The following CACNA2D3 variants were observed in gnomAD, a reference collection of about 807,000 sequenced individuals.
CACNA2D3 encodes calcium voltage-gated channel auxiliary subunit alpha2delta 3.
A neutral mutation model predicts 160.6 loss-of-function variants in CACNA2D3; 60 were observed. That is an observed-to-expected ratio of 0.37 (90% CI 0.30 to 0.46). The LOEUF (loss-of-function observed/expected upper bound fraction) is 0.46. CACNA2D3 is among the 20% of genes least tolerant of loss of function. The pLI, the probability that CACNA2D3 is intolerant of heterozygous loss-of-function variation, is 1.00. For synonymous variants in CACNA2D3, 558 were observed against 492.9 expected (o/e 1.13, Z -1.75); for missense variants, 1,205 against 1,365.0 (o/e 0.88, Z 1.85).
chr3:55,004,758 T>G lies in CACNA2D3; in HGVS notation c.2691-5T>G. Reference sequence around the variant, plus strand: ...GTGAAGCTCCCTTCCATTTCTTTCCTGTAGAATTACCCTTTATGACTACCA... The same window carrying G: ...GTGAAGCTCCCTTCCATTTCTTTCCGGTAGAATTACCCTTTATGACTACCA... On this transcript the variant is annotated splice_polypyrimidine_tract_variant and splice_region_variant and intron_variant, in intron 31 of 37. Coordinates refer to ENST00000474759, the MANE Select transcript of CACNA2D3 (RefSeq NM_018398.3). 1.2e-6 allele frequency: 2 copies of G among 1,609,824 alleles called. No individual in the cohort carries two copies. The highest frequency in any genetic ancestry group is 1.7e-6 in the Non-Finnish European group (2 of 1,176,510).
intron 2 of CACNA2D3, among the ~76,000 whole-genome samples, chr3:54,210,136 T>A (rs1701346668): frequency 6.6e-6 from 1 of 151,996 alleles, no homozygotes; most frequent in Non-Finnish European, 1.5e-5. Flanking sequence ...ATAAGTGATA[T>A]GGAAAAAAAG....
chr3:54,303,169 C>G (rs1703518662), intron 2 of CACNA2D3, among the ~76,000 whole-genome samples: 1 of 152,148 alleles, frequency 6.6e-6, no homozygotes, highest in African/African-American at 2.4e-5. Flanking sequence ...GACATCTCCC[C>G]AGTAGATTCT....
At chr3:54,369,347 G>A (rs1698883196) in intron 3 of CACNA2D3, among the ~76,000 whole-genome samples, 1 of 152,106 alleles carries the variant, frequency 6.6e-6, no homozygotes, top group African/African-American at 2.4e-5. Flanking sequence ...ACAGTGACAG[G>A]GAGCCGTGGT....
chr3:54,424,035 C>T (rs1350498877), intron 4 of CACNA2D3, among the ~76,000 whole-genome samples: 1 of 152,026 alleles, frequency 6.6e-6, no homozygotes, highest in Non-Finnish European at 1.5e-5. Flanking sequence ...ACTATAGCTG[C>T]ACACCACCAT....
At chr3:54,690,147 A>G (rs557783302) in intron 11 of CACNA2D3, among the ~76,000 whole-genome samples, 20 of 152,064 alleles carry the variant, frequency 1.3e-4, no homozygotes, top group Non-Finnish European at 2.8e-4. Context: ...TGTAACATCT[A>G]CCATGATGAC....
chr3:54,504,461 C>G (rs576105533), intron 5 of CACNA2D3, among the ~76,000 whole-genome samples: 1 of 152,138 alleles, frequency 6.6e-6, no homozygotes, highest in Non-Finnish European at 1.5e-5. Context: ...ATATCTACCT[C>G]CTGGGGGTGG....
chr3:54,925,593 G>A (rs1700990964), intron 27 of CACNA2D3, among the ~76,000 whole-genome samples: 1 of 152,196 alleles, frequency 6.6e-6, no homozygotes, highest in Non-Finnish European at 1.5e-5. Flanking sequence ...AAGAGTGTTA[G>A]AGGATTTCAG....
chr3:54,924,555 A>G, intron 27 of CACNA2D3: 1 of 1,316,422 alleles, frequency 7.6e-7, no homozygotes, highest in Non-Finnish European at 1.1e-6. Flanking sequence ...AATGCAGAGA[A>G]CAGATGAGAT....
rs1174129020 is a variant in CACNA2D3 at position 54,840,403 on chromosome 3, C to CTTTT, written c.1551+1777_1551+1780dup. On this transcript the variant is annotated intron_variant, in intron 16 of 37. Coordinates refer to ENST00000474759, the MANE Select transcript of CACNA2D3 (RefSeq NM_018398.3). ...CATCTTGCAAGCAGGAGAACCATGT[C>CTTTT]TTTTTTTTTTTTTTTTTTTTTTTTT... Among the ~76,000 whole-genome samples the CTTTT allele has an allele frequency of 2.2e-3, 159 of 73,416 alleles. 1 individual carries two copies. Among genetic ancestry groups the CTTTT allele is most frequent in the Admixed American group, 2.6e-3 (13 of 4,920 alleles). The allele number at this position is 73,416 out of a possible 152,430, so 48.2% of individuals were successfully genotyped here.
At chr3:54,217,145 G>A (rs11283625) in intron 2 of CACNA2D3, among the ~76,000 whole-genome samples, 51,350 of 152,068 alleles carry the variant, frequency 0.34, 9,957 homozygotes, top group Non-Finnish European at 0.43. Flanking sequence ...GGCTGCAGAT[G>A]GGGCCTGGGA....
At chr3:55,003,893 G>A (rs1328522861) in intron 31 of CACNA2D3, among the ~76,000 whole-genome samples, 1 of 152,158 alleles carries the variant, frequency 6.6e-6, no homozygotes, top group Non-Finnish European at 1.5e-5. Context: ...ACTGCATCCT[G>A]TGGTTTGGGA....
At chr3:54,181,652 C>T (rs183684509) in intron 2 of CACNA2D3, among the ~76,000 whole-genome samples, 4 of 151,944 alleles carry the variant, frequency 2.6e-5, no homozygotes, top group Non-Finnish European at 5.9e-5. Context: ...GGATTTGAAC[C>T]CATCATCTAT....
chr3:54,463,924 G>A (rs1051738531), intron 4 of CACNA2D3, among the ~76,000 whole-genome samples: 1 of 152,120 alleles, frequency 6.6e-6, no homozygotes, highest in Non-Finnish European at 1.5e-5. Flanking sequence ...GGTCTTTGAT[G>A]ATGGCGATGT....
intron 14 of CACNA2D3, among the ~76,000 whole-genome samples, chr3:54,825,035 T>C (rs1447272992): frequency 6.6e-6 from 1 of 152,244 alleles, no homozygotes; most frequent in Non-Finnish European, 1.5e-5. Flanking sequence ...AATTCTCATT[T>C]ATTTAAATAT....
chr3:54,930,235 C>T (rs1701150014), intron 27 of CACNA2D3, among the ~76,000 whole-genome samples: 1 of 152,186 alleles, frequency 6.6e-6, no homozygotes, highest in Non-Finnish European at 1.5e-5. Context: ...ACCACCCCAC[C>T]TGTCACCCAC....
In CACNA2D3 at chr3:54,663,393, A is replaced by G. The variant is rs369298557; in HGVS notation, c.1167+21152A>G. On this transcript the variant is annotated intron_variant, in intron 11 of 37. Transcript: ENST00000474759. ...GTGTGAGCCGAGGTGTCCACCCCTCATGCCTTCATGGCCCTGGGCCTCTCA... is the reference window on the plus strand; with the variant it reads ...GTGTGAGCCGAGGTGTCCACCCCTCGTGCCTTCATGGCCCTGGGCCTCTCA... Among the ~76,000 whole-genome samples, 9 of 152,304 alleles carry G rather than the reference A, an allele frequency of 5.9e-5. No homozygotes were observed. In the East Asian group the frequency reaches 1.2e-3, roughly 20 times the overall value.
chr3:54,134,903 G>T (rs969400321), intron 2 of CACNA2D3, among the ~76,000 whole-genome samples: 1 of 152,244 alleles, frequency 6.6e-6, no homozygotes, highest in Admixed American at 6.5e-5. Flanking sequence ...CGGGAGCACC[G>T]CAGTGCAGGG....
chr3:54,169,928 C>T (rs898557107), intron 2 of CACNA2D3, among the ~76,000 whole-genome samples: 1 of 152,108 alleles, frequency 6.6e-6, no homozygotes, highest in Non-Finnish European at 1.5e-5. Flanking sequence ...TGGCTCATGC[C>T]TGTAATCCCC....
intron 4 of CACNA2D3, among the ~76,000 whole-genome samples, chr3:54,464,179 C>T (rs1445610004): frequency 2.0e-5 from 3 of 152,178 alleles, no homozygotes; most frequent in Non-Finnish European, 4.4e-5. Flanking sequence ...CAGTCTGCCC[C>T]TACTGGGGGG....
Sources: gnomAD v4.1 joint callset for allele counts (sites outside exome capture counted in the v4.1 genomes callset) on GRCh38, gnomAD v4.1.1 for gene constraint, MANE v1.5 for transcripts, NCBI Gene and HGNC (gene_info 2026-07-23, HGNC 2026-07-21) for gene names.